Variants in ATXN2 observed in about 807,000 individuals in gnomAD.
ATXN2 encodes the protein ataxin 2.
A neutral mutation model predicts 138.6 loss-of-function variants in ATXN2; 37 were observed. That is an observed-to-expected ratio of 0.27 (90% CI 0.21 to 0.35). The LOEUF is 0.35. Ranked by LOEUF, ATXN2 falls within the 10% of genes least tolerant of loss-of-function variation. ATXN2 has a pLI of 1.00. For synonymous variants in ATXN2, 549 were observed against 543.7 expected, an observed-to-expected ratio of 1.01 and a Z score of -0.13; for missense variants, 1,216 against 1,480.3, an observed-to-expected ratio of 0.82 and a Z score of 2.93.
rs913613007 is a variant in ATXN2 at position 111,516,982 on chromosome 12, T to C, written c.1166-619A>G. ...CTCCTGTGAGTATCAAATGATAATA[T>C]TCATTGCTATTTCAAAAAAAAAGTC... On this transcript the variant is annotated intron_variant, in intron 9 of 24. Coordinates refer to ENST00000673436, the MANE Select transcript of ATXN2 (RefSeq NM_001372574.1). The surrounding 1 kb of genome is among the most constrained non-coding windows in gnomAD (Gnocchi z 5.0). Among the ~76,000 whole-genome samples, 5 of 152,128 alleles carry C rather than the reference T, an allele frequency of 3.3e-5. No homozygotes were observed. Among genetic ancestry groups the C allele is most frequent in the Admixed American group, 2.6e-4 (4 of 15,262 alleles).
At chr12:111,554,261 AC>A in intron 2 of ATXN2, 44 bp from the exon 3 acceptor site, 1 of 1,261,520 alleles carries the variant, frequency 7.9e-7, no homozygotes, top group Admixed American at 3.2e-5. Context: ...ATTAGTACAA[AC>A]TGAATCTTCC....
chr12:111,597,761 A>T (rs753988325), intron 1 of ATXN2: 48 of 968,462 alleles, frequency 5.0e-5, no homozygotes, highest in Non-Finnish European at 6.6e-5. Context: ...TTCTGCCTTC[A>T]GGAACCCGAC....
chr12:111,597,097 T>C (rs149467889), intron 1 of ATXN2, among the ~76,000 whole-genome samples: 1 of 150,380 alleles, frequency 6.6e-6, no homozygotes, highest in Non-Finnish European at 1.5e-5. Context: ...AAACGATCAC[T>C]TCATCTGAAC....
intron 18 of ATXN2, among the ~76,000 whole-genome samples, chr12:111,483,410 C>CAA (rs58159636): frequency 1.5e-4 from 20 of 131,048 alleles, no homozygotes; most frequent in East Asian, 4.3e-4. Context: ...AACTGGTTGG[C>CAA]AAAAAAAAAA....
intron 14 of ATXN2, among the ~76,000 whole-genome samples, chr12:111,506,810 C>T (rs1260176635): frequency 2.6e-5 from 4 of 152,166 alleles, no homozygotes; most frequent in East Asian, 1.9e-4. Context: ...ATTGCAGGCC[C>T]GCGCCGCCAC....
At chr12:111,493,418 CAAA>C (rs59185968) in intron 14 of ATXN2, among the ~76,000 whole-genome samples, 5 of 45,646 alleles carry the variant, frequency 1.1e-4, no homozygotes, top group South Asian at 8.9e-4. Flanking sequence ...GACTCTGTCT[CAAA>C]AAAAAAAAAA....
chr12:111,565,385 A>C (rs1011823086), intron 1 of ATXN2, among the ~76,000 whole-genome samples: 2 of 152,170 alleles, frequency 1.3e-5, no homozygotes, highest in Non-Finnish European at 2.9e-5. Flanking sequence ...AATATTTTCA[A>C]ACTTTTCCAC....
chr12:111,511,853 TA>T (rs1404418152), intron 11 of ATXN2: 1 of 152,206 alleles, frequency 6.6e-6, no homozygotes, highest in Non-Finnish European at 1.5e-5. Flanking sequence ...CAAAGGAATT[TA>T]GGATACAATT....
chr12:111,461,598 C>G (rs11065908), intron 21 of ATXN2, among the ~76,000 whole-genome samples: 15,535 of 151,882 alleles, frequency 0.1, 2,653 homozygotes, highest in African/African-American at 0.35. Flanking sequence ...AGTTAAGTGA[C>G]AGTGACACAA....
chr12:111,561,393 A>C (rs1402825863), intron 1 of ATXN2, among the ~76,000 whole-genome samples: 1 of 151,650 alleles, frequency 6.6e-6, no homozygotes, highest in African/African-American at 2.4e-5. Flanking sequence ...ATTCAGGAGG[A>C]GGTGGCTGAG....
rs967345117 is a variant in ATXN2 at position 111,519,679 on chromosome 12, T to C, written c.986+200A>G. Among the ~76,000 whole-genome samples the C allele has an allele frequency of 2.0e-5, 3 of 152,198 alleles. No homozygotes were observed. The South Asian group carries it at 6.2e-4, about 31-fold the overall frequency. ...ATTGCTCACCGTGATATACCAACAC[T>C]TGGCTCCACAGAGCTTACTCTCAAA... is the stretch of plus-strand genomic sequence containing the variant. On this transcript the variant is annotated intron_variant, in intron 8 of 24. Transcript: ENST00000673436.
chr12:111,553,495 C>A (rs528356872), intron 3 of ATXN2, among the ~76,000 whole-genome samples: 1 of 127,728 alleles, frequency 7.8e-6, no homozygotes, highest in East Asian at 2.7e-4. Flanking sequence ...AATTGTCATA[C>A]TGTATTGTTT....
At chr12:111,472,392 A>G (rs1312452066) in intron 18 of ATXN2, among the ~76,000 whole-genome samples, 2 of 152,160 alleles carry the variant, frequency 1.3e-5, no homozygotes, top group Non-Finnish European at 2.9e-5. Context: ...TTAGTAAAGG[A>G]GCAGGGTAAA....
chr12:111,565,318 G>A (rs1020203525), intron 1 of ATXN2, among the ~76,000 whole-genome samples: 6 of 152,102 alleles, frequency 3.9e-5, no homozygotes, highest in Non-Finnish European at 7.4e-5. Flanking sequence ...CATTAGTGCC[G>A]TATTTCCAGT....
intron 5 of ATXN2, among the ~76,000 whole-genome samples, chr12:111,539,054 A>C (rs1351276549): frequency 6.6e-6 from 1 of 150,480 alleles, no homozygotes; most frequent in Non-Finnish European, 1.5e-5. Flanking sequence ...AAAAGATTCC[A>C]ATACAAAGAT....
intron 14 of ATXN2, among the ~76,000 whole-genome samples, chr12:111,505,086 C>A (rs962803376): frequency 2.6e-5 from 4 of 152,118 alleles, no homozygotes; most frequent in African/African-American, 9.7e-5. Context: ...TTATTAATAG[C>A]AAGGTGTGGT....
intron 17 of ATXN2, 127 bp from the exon 18 acceptor site, chr12:111,485,458 T>TA (rs370592683): frequency 1.9e-6 from 2 of 1,032,992 alleles, no homozygotes; most frequent in East Asian, 2.4e-5. Flanking sequence ...CATTAGTCAT[T>TA]AAAAAATTAG....
intron 1 of ATXN2, among the ~76,000 whole-genome samples, chr12:111,593,495 C>T (rs1884783470): frequency 6.6e-6 from 1 of 151,682 alleles, no homozygotes; most frequent in Admixed American, 6.6e-5. Context: ...ATTAGAGTAA[C>T]ACTGAAAATA....
At chr12:111,583,087 G>C (rs1884107114) in intron 1 of ATXN2, among the ~76,000 whole-genome samples, 1 of 149,742 alleles carries the variant, frequency 6.7e-6, no homozygotes, top group African/African-American at 2.5e-5. Flanking sequence ...CCACCTCCTG[G>C]GTTCAAGCGA....
Sources: gnomAD v4.1 joint callset for allele counts (sites outside exome capture counted in the v4.1 genomes callset) on GRCh38, gnomAD v4.1.1 for gene constraint, Gnocchi (gnomAD v3.1) non-coding constraint, MANE v1.5 for transcripts, NCBI Gene and HGNC (gene_info 2026-07-23, HGNC 2026-07-21) for gene names.